The following ITGA8 variants were observed in gnomAD, a reference collection of about 807,000 sequenced individuals.
ITGA8 encodes the protein integrin alpha-8.
In ITGA8, 91 loss-of-function variants were observed where a neutral mutation model predicts 142.3. The observed-to-expected ratio is 0.64, with a 90% confidence interval of 0.54 to 0.76. The LOEUF is 0.76. Ranked by LOEUF, ITGA8 falls within the 30% of genes least tolerant of loss-of-function variation. The pLI is 0.00. For missense variants in ITGA8, 1,406 were observed against 1,327.7 expected, an observed-to-expected ratio of 1.06 and a Z score of -0.92; for synonymous variants, 505 against 485.2, an observed-to-expected ratio of 1.04 and a Z score of -0.54.
chr10:15,718,948 C>G lies in ITGA8; in HGVS notation c.210-49G>C, dbSNP rs201524624. On this transcript the variant is annotated intron_variant, in intron 1 of 29. Coordinates refer to ENST00000378076, the MANE Select transcript of ITGA8 (RefSeq NM_003638.3). ...ACTCTTTGGGCGCCACAAAACCGTG[C>G]GCATGCAATGCAGTCTCTGTAACCT... 141 of 1,612,616 alleles carry G rather than the reference C, an allele frequency of 8.7e-5. No homozygotes were observed. In the East Asian group the frequency reaches 3.1e-3, roughly 35 times the overall value.
chr10:15,670,321 A>T (rs1564401379), intron 8 of ITGA8, among the ~76,000 whole-genome samples: 1 of 152,196 alleles, frequency 6.6e-6, no homozygotes, highest in African/African-American at 2.4e-5. Flanking sequence ...GCATTAGCTC[A>T]TGCAATCTTC....
rs116191017 is a variant in ITGA8, at chr10:15,582,518, G to A, written c.2372+4066C>T. Among the ~76,000 whole-genome samples, 575 of 152,204 alleles carry A rather than the reference G, an allele frequency of 3.8e-3. 11 individuals are homozygous for A. The highest frequency in any genetic ancestry group is 0.013 in the African/African-American group (526 of 41,536). ...AACTATAGACTGGGAGAAAATAATC[G>A]CGGGACACATATTTGGTAAATGGCT... On this transcript the variant is annotated intron_variant, in intron 23 of 29. Coordinates refer to ENST00000378076, the MANE Select transcript of ITGA8 (RefSeq NM_003638.3).
At chr10:15,577,261 C>A (rs1366174617) in intron 23 of ITGA8, among the ~76,000 whole-genome samples, 2 of 152,160 alleles carry the variant, frequency 1.3e-5, no homozygotes, top group Admixed American at 1.3e-4. Context: ...CCATAAATTC[C>A]CTAGGATCAT....
At chr10:15,644,358 C>T in intron 12 of ITGA8, 137 bp from the exon 13 acceptor site, 1 of 717,684 alleles carries the variant, frequency 1.4e-6, no homozygotes, top group South Asian at 2.3e-5. Flanking sequence ...GCCCCACACT[C>T]CCGGACTCAA....
intron 6 of ITGA8, 30 bp downstream of exon 6, chr10:15,677,562 G>A (rs1834653744): frequency 6.3e-7 from 1 of 1,598,240 alleles, no homozygotes; most frequent in East Asian, 2.2e-5. Flanking sequence ...AACAACAAAT[G>A]TGCTTTTCTT....
intron 24 of ITGA8, among the ~76,000 whole-genome samples, chr10:15,573,230 A>AT (rs2131581991): frequency 6.6e-6 from 1 of 152,296 alleles, no homozygotes; most frequent in South Asian, 2.1e-4. Context: ...AATGTACACA[A>AT]TATTTGATGA....
At chr10:15,597,626 T>C (rs1833031448) in intron 20 of ITGA8, among the ~76,000 whole-genome samples, 1 of 152,150 alleles carries the variant, frequency 6.6e-6, no homozygotes, top group African/African-American at 2.4e-5. Context: ...AAATCACAAA[T>C]TATTAAACAT....
chr10:15,674,702 C>T (rs140334298), intron 6 of ITGA8, among the ~76,000 whole-genome samples: 16 of 152,112 alleles, frequency 1.1e-4, no homozygotes, highest in East Asian at 3.9e-4. Context: ...GAGGCTGAGG[C>T]GGGCGGATCA....
At chr10:15,647,100 C>T (rs765565474) in intron 11 of ITGA8, 49 bp from the exon 12 acceptor site, 1 of 1,413,936 alleles carries the variant, frequency 7.1e-7, no homozygotes, top group Non-Finnish European at 1.0e-6. Context: ...AGAGTAGAGT[C>T]ACTTTGGGTT....
chr10:15,636,147 C>T (rs1470393155), intron 13 of ITGA8, among the ~76,000 whole-genome samples: 1 of 152,200 alleles, frequency 6.6e-6, no homozygotes, highest in African/African-American at 2.4e-5. Context: ...TACCGCCCCT[C>T]CTCCACCTTC....
At position 15,719,750 on chromosome 10, in the gene ITGA8, C is replaced by G. The variant is rs1030902657; in HGVS notation, c.22G>C (p.Gly8Arg). 7.4e-7 allele frequency: 1 copy of G among 1,355,992 alleles called. No homozygotes were observed. The highest frequency in any genetic ancestry group is 1.5e-5 in the African/African-American group (1 of 65,104). The allele number at this position is 1,355,992 out of a possible 1,614,324, so 84.0% of individuals were successfully genotyped here. A position where few individuals can be genotyped will look rare whatever the true frequency, so the allele number is the denominator to read the frequency against. MSPGASR[G>R]PRGSQAPLIA... ...AGCGGCGCCTGGCTTCCCCGGGGAC[C>G]GCGGCTGGCCCCGGGCGACATCTCC... is the stretch of plus-strand genomic sequence containing the variant. The change falls in exon 1 of 30, where the codon GGT (glycine) becomes CGT (arginine). Residue 8 changes from glycine (G) to arginine (R), a missense_variant. By Grantham distance (125) the Gly-to-Arg change is moderately radical. Transcript: ENST00000378076.
chr10:15,665,744 G>C (rs182606287), intron 8 of ITGA8, among the ~76,000 whole-genome samples: 75 of 152,320 alleles, frequency 4.9e-4, no homozygotes, highest in African/African-American at 1.5e-3. Flanking sequence ...TGGCTAGCCA[G>C]TTTTCCCAGC....
At chr10:15,520,405 T>C (rs981271335) in intron 28 of ITGA8, among the ~76,000 whole-genome samples, 1 of 152,112 alleles carries the variant, frequency 6.6e-6, no homozygotes, top group Non-Finnish European at 1.5e-5. Flanking sequence ...AGGGTGACAC[T>C]CTTCTTTCTC....
chr10:15,692,679 C>T (rs1420852877), intron 2 of ITGA8, among the ~76,000 whole-genome samples: 1 of 152,220 alleles, frequency 6.6e-6, no homozygotes, highest in African/African-American at 2.4e-5. Flanking sequence ...AACACCTCAA[C>T]ACAATTGTAC....
At chr10:15,671,762 A>G in intron 7 of ITGA8, 115 bp from the exon 8 acceptor site, 1 of 727,684 alleles carries the variant, frequency 1.4e-6, no homozygotes, top group Non-Finnish European at 2.3e-6. Flanking sequence ...AAACCTCTAC[A>G]AATATTATAA....
chr10:15,715,393 G>A (rs530379854), intron 2 of ITGA8, among the ~76,000 whole-genome samples: 1 of 152,298 alleles, frequency 6.6e-6, no homozygotes, highest in African/African-American at 2.4e-5. Flanking sequence ...CTCCTTGGGG[G>A]CTTAGTCATA....
At chr10:15,636,603 C>G (rs1254066015) in intron 13 of ITGA8, among the ~76,000 whole-genome samples, 1 of 152,166 alleles carries the variant, frequency 6.6e-6, no homozygotes, top group Non-Finnish European at 1.5e-5. Context: ...GCATTCAAAT[C>G]TGAGTCATCT....
chr10:15,717,917 T>G (rs1404975033), intron 2 of ITGA8, among the ~76,000 whole-genome samples: 1 of 152,274 alleles, frequency 6.6e-6, no homozygotes, highest in Non-Finnish European at 1.5e-5. Flanking sequence ...AAAATAGTTG[T>G]GTGGTACACA....
chr10:15,713,172 G>T (rs1348855037), intron 2 of ITGA8, among the ~76,000 whole-genome samples: 1 of 152,198 alleles, frequency 6.6e-6, no homozygotes, highest in Non-Finnish European at 1.5e-5. Context: ...ATTTAGGGAT[G>T]ATGGTTGCCT....
Sources: allele counts gnomAD v4.1 joint callset (sites outside exome capture counted in the v4.1 genomes callset), GRCh38; gene constraint gnomAD v4.1.1; transcripts MANE v1.5; gene names NCBI Gene and HGNC (gene_info 2026-07-23, HGNC 2026-07-21).